Variants in EML1 observed in about 807,000 individuals in gnomAD.
EML1 encodes EMAP like 1.
Under a neutral mutation model 110.4 loss-of-function variants are expected in EML1, and 27 were observed. The ratio of observed to expected loss-of-function variants is 0.24; its 90% CI spans 0.18 to 0.34. EML1 has a LOEUF of 0.34. Ranked by LOEUF, EML1 falls within the 10% of genes least tolerant of loss-of-function variation. The pLI is 1.00. For synonymous variants in EML1, 344 were observed against 385.8 expected (o/e 0.89, Z 1.27); for missense variants, 741 against 1,030.9 (o/e 0.72, Z 3.85).
At chr14:99,862,936 T>C (rs1239549801) in intron 2 of EML1, among the ~76,000 whole-genome samples, 5 of 152,198 alleles carry the variant, frequency 3.3e-5, no homozygotes, top group Admixed American at 2.0e-4. Context: ...AACCTGTGTG[T>C]GTGGGTGTCT....
chr14:99,849,528 T>C (rs2058756891), intron 1 of EML1, among the ~76,000 whole-genome samples: 1 of 86,330 alleles, frequency 1.2e-5, no homozygotes, highest in Non-Finnish European at 3.0e-5. Flanking sequence ...TGTGTGTGTG[T>C]GTATATATAT....
chr14:99,844,741 G>A (rs561227253), intron 1 of EML1, among the ~76,000 whole-genome samples: 4 of 152,258 alleles, frequency 2.6e-5, no homozygotes, highest in African/African-American at 9.6e-5. Context: ...TTACAGTTTT[G>A]TCTTTGGAGA....
chr14:99,891,660 G>A, intron 5 of EML1, among the ~76,000 whole-genome samples: 1 of 152,050 alleles, frequency 6.6e-6, no homozygotes, highest in South Asian at 2.1e-4. Flanking sequence ...TTCTTTTTCT[G>A]CCTATGATCT....
chr14:99,761,669 A>G (rs1480855743), intron 1 of EML1, among the ~76,000 whole-genome samples: 2 of 152,186 alleles, frequency 1.3e-5, no homozygotes, highest in Non-Finnish European at 2.9e-5. Context: ...TCACACCTGT[A>G]ATCCCAGCAC....
chr14:99,859,204 T>C (rs1262384597), intron 2 of EML1, among the ~76,000 whole-genome samples: 1 of 152,220 alleles, frequency 6.6e-6, no homozygotes, highest in African/African-American at 2.4e-5. Flanking sequence ...GGACCTGAGA[T>C]TTTTAATACC....
upstream of EML1, chr14:99,793,380 A>G (rs2057705228): frequency 1.9e-5 from 19 of 994,324 alleles, no homozygotes; most frequent in East Asian, 1.1e-4. Context: ...GGCCGGCCCC[A>G]GCGCCAGCGC....
intron 1 of EML1, among the ~76,000 whole-genome samples, chr14:99,780,628 C>T (rs1038747649): frequency 5.9e-5 from 9 of 152,266 alleles, no homozygotes; most frequent in East Asian, 1.9e-4. Flanking sequence ...ATAAGCATCA[C>T]GTGCCGCATC....
At chr14:99,804,840 C>T (rs900730059) in intron 1 of EML1, among the ~76,000 whole-genome samples, 1 of 152,126 alleles carries the variant, frequency 6.6e-6, no homozygotes, top group Admixed American at 6.6e-5. Flanking sequence ...CTGAATTGCC[C>T]AGCATCCCCC....
chr14:99,870,254 A>G (rs1460732403), intron 3 of EML1, among the ~76,000 whole-genome samples: 1 of 152,238 alleles, frequency 6.6e-6, no homozygotes, highest in Non-Finnish European at 1.5e-5. Context: ...AATACAGAGC[A>G]AGGCCTTAAC....
chr14:99,939,245 G>A lies in EML1; in HGVS notation c.2240G>A (p.Arg747Gln), dbSNP rs763147507. The A allele has an allele frequency of 1.1e-5, 17 of 1,614,032 alleles. No individual in the cohort carries two copies. Among genetic ancestry groups the A allele is most frequent in the Admixed American group, 5.0e-5 (3 of 60,004 alleles). The change falls in exon 21 of 22, where the codon CGG becomes CAG. Residue 747 changes from arginine (R) to glutamine (Q), a missense_variant. By Grantham distance (43) the Arg-to-Gln change is conservative (BLOSUM62 1). Coordinates refer to ENST00000262233, the MANE Select transcript of EML1 (RefSeq NM_004434.3). This position sits in a 1 kb window ranked among gnomAD's most constrained non-coding sequence, Gnocchi z 4.2. ...SDGTDINAVC[R>Q]AHEKKLLSTG... Reference sequence around the variant, plus strand: ...GGAACCGACATCAATGCCGTCTGTCGGGCCCATGAGAAGAAACTCCTGTCA... The same window carrying A: ...GGAACCGACATCAATGCCGTCTGTCAGGCCCATGAGAAGAAACTCCTGTCA...
At chr14:99,737,924 C>T (rs1255639682) in intron 1 of EML1, 19 of 1,279,118 alleles carry the variant, frequency 1.5e-5, no homozygotes, top group East Asian at 5.7e-5. Flanking sequence ...CGCCAGTCGC[C>T]GAGGGCACTG....
At chr14:99,775,335 C>G (rs2057470236) in intron 1 of EML1, among the ~76,000 whole-genome samples, 2 of 152,134 alleles carry the variant, frequency 1.3e-5, no homozygotes, top group Admixed American at 6.5e-5. Context: ...CTGAGGCATT[C>G]AGAGGAGGGA....
chr14:99,861,737 C>T (rs558423929), intron 2 of EML1, among the ~76,000 whole-genome samples: 1 of 152,288 alleles, frequency 6.6e-6, no homozygotes, highest in East Asian at 1.9e-4. Context: ...CTGCCTCAGC[C>T]TCCCAAAGTG....
At chr14:99,793,353 A>C (rs1352210275), upstream of EML1, 5 of 986,312 alleles carry the variant, frequency 5.1e-6, no homozygotes, top group Non-Finnish European at 6.0e-6. Context: ...AACCGGCAGC[A>C]GCAGCCGCCA....
In EML1 at chr14:99,939,910, G is replaced by A; in HGVS notation, c.2323-77G>A. ...GAGTAAAGGAATTAAGGCATGCAGT[G>A]AGAATTCAAGCACTTTCCCATCCCA... On this transcript the variant is annotated intron_variant, in intron 21 of 21. Coordinates refer to ENST00000262233, the MANE Select transcript of EML1 (RefSeq NM_004434.3). This position sits in a 1 kb window ranked among gnomAD's most constrained non-coding sequence, Gnocchi z 4.2. The A allele has an allele frequency of 1.4e-6, 2 of 1,453,104 alleles. No homozygotes were observed. Among genetic ancestry groups the A allele is most frequent in the Non-Finnish European group, 1.8e-6 (2 of 1,096,572 alleles). 90.0% of individuals were successfully genotyped at this position (1,453,104 alleles called of 1,614,324 possible).
intron 1 of EML1, among the ~76,000 whole-genome samples, chr14:99,756,279 G>A (rs1404115879): frequency 1.3e-5 from 2 of 152,214 alleles, no homozygotes; most frequent in Non-Finnish European, 2.9e-5. Flanking sequence ...GTTTGGTGGT[G>A]GGGGCAGGGT....
intron 1 of EML1, among the ~76,000 whole-genome samples, chr14:99,752,964 G>A (rs918880010): frequency 5.9e-5 from 9 of 152,096 alleles, no homozygotes; most frequent in Middle Eastern, 3.2e-3. Context: ...ATGAAAGAAC[G>A]AGGCCTCTGA....
chr14:99,926,748 C>T (rs2060241101), intron 17 of EML1, among the ~76,000 whole-genome samples: 1 of 150,450 alleles, frequency 6.6e-6, no homozygotes, highest in African/African-American at 2.4e-5. Flanking sequence ...CCCAGCTCTG[C>T]CTTTTTTTTT....
chr14:99,752,275 C>T (rs2057185663), intron 1 of EML1, among the ~76,000 whole-genome samples: 1 of 152,230 alleles, frequency 6.6e-6, no homozygotes, highest in South Asian at 2.1e-4. Flanking sequence ...TCCCTAGATT[C>T]CCCCAAGGCA....
Sources: allele counts gnomAD v4.1 joint callset (sites outside exome capture counted in the v4.1 genomes callset), GRCh38; gene constraint gnomAD v4.1.1; non-coding constraint Gnocchi (gnomAD v3.1); transcripts MANE v1.5; gene names NCBI Gene and HGNC (gene_info 2026-07-23, HGNC 2026-07-21).